CR1L: variants seen among roughly 807,000 people sequenced by gnomAD.
CR1L encodes complement C3b/C4b receptor 1 like.
CR1L carries 59 observed loss-of-function variants against 62.3 expected under a neutral mutation model. The ratio of observed to expected loss-of-function variants is 0.95; its 90% CI spans 0.77 to 1.18. The LOEUF (loss-of-function observed/expected upper bound fraction) is 1.18. Among genes scored for constraint, CR1L ranks in the 50% most tolerant of loss-of-function variants. CR1L has a pLI of 0.00. For missense variants in CR1L, 700 were observed against 702.8 expected (o/e 1.00, Z 0.04); for synonymous variants, 279 against 248.7 (o/e 1.12, Z -1.15).
chr1:207,707,065 A>G (rs1253948141), intron 9 of CR1L, among the ~76,000 whole-genome samples: 1 of 152,266 alleles, frequency 6.6e-6, no homozygotes, highest in Non-Finnish European at 1.5e-5. Context: ...TCAAGTGTAT[A>G]TATCTACAAT....
At chr1:207,712,138 G>T (rs2102480297) in intron 10 of CR1L, among the ~76,000 whole-genome samples, 1 of 152,298 alleles carries the variant, frequency 6.6e-6, no homozygotes, top group East Asian at 1.9e-4. Context: ...TCCAGAGTAA[G>T]CCCCAATTTA....
intron 1 of CR1L, among the ~76,000 whole-genome samples, chr1:207,650,520 A>G (rs6540437): frequency 0.47 from 71,982 of 152,000 alleles, 17,593 homozygotes; most frequent in African/African-American, 0.59. Context: ...CATAGACCTA[A>G]AAATGAGTGG....
chr1:207,665,568 T>C (rs1663507656), intron 1 of CR1L, among the ~76,000 whole-genome samples: 1 of 151,832 alleles, frequency 6.6e-6, no homozygotes, highest in South Asian at 2.1e-4. Flanking sequence ...CTAATTTTTG[T>C]ATTTTTAATA....
At chr1:207,660,418 A>G (rs1409863854) in intron 1 of CR1L, among the ~76,000 whole-genome samples, 1 of 152,206 alleles carries the variant, frequency 6.6e-6, no homozygotes, top group Non-Finnish European at 1.5e-5. Flanking sequence ...GCAAACTCCA[A>G]CACACCTGCA....
chr1:207,662,159 T>C (rs1364309673), intron 1 of CR1L, among the ~76,000 whole-genome samples: 2 of 152,086 alleles, frequency 1.3e-5, no homozygotes, highest in African/African-American at 4.8e-5. Flanking sequence ...ATCTTTGTGG[T>C]GTTCTCTGTA....
intron 9 of CR1L, among the ~76,000 whole-genome samples, chr1:207,707,157 A>G (rs962458042): frequency 6.6e-6 from 1 of 152,240 alleles, no homozygotes; most frequent in Non-Finnish European, 1.5e-5. Flanking sequence ...TAACTAAAAC[A>G]GCTGAATCTA....
intron 4 of CR1L, 84 bp from the exon 5 acceptor site, chr1:207,694,269 T>C: frequency 4.6e-6 from 7 of 1,519,428 alleles, no homozygotes; most frequent in Non-Finnish European, 6.3e-6. Context: ...AAGCAAATAA[T>C]GAATGTAAAA....
At chr1:207,694,097 A>G (rs530929097) in intron 4 of CR1L, among the ~76,000 whole-genome samples, 1 of 152,376 alleles carries the variant, frequency 6.6e-6, no homozygotes, top group African/African-American at 2.4e-5. Context: ...CTATAATACT[A>G]TAATCAAAGG....
At chr1:207,647,806 A>G (rs975531423) in intron 1 of CR1L, among the ~76,000 whole-genome samples, 2 of 152,198 alleles carry the variant, frequency 1.3e-5, no homozygotes, top group African/African-American at 2.4e-5. Flanking sequence ...CAGGGCTTCC[A>G]GTACTTCAGT....
chr1:207,655,126 C>A, intron 1 of CR1L: 1 of 396,826 alleles, frequency 2.5e-6, no homozygotes, highest in Non-Finnish European at 4.8e-6. Flanking sequence ...ATAAAAAGTT[C>A]CTTCATTATT....
chr1:207,685,553 G>A (rs942684750), intron 4 of CR1L, among the ~76,000 whole-genome samples: 1 of 152,124 alleles, frequency 6.6e-6, no homozygotes, highest in African/African-American at 2.4e-5. Flanking sequence ...TGCTGTTTCA[G>A]TTCTAATAGC....
At position 207,683,152 on chromosome 1, in the gene CR1L, C is replaced by T. The variant is rs552217161; in HGVS notation, c.378-720C>T. Among the ~76,000 whole-genome samples, 17 of 149,410 alleles carry T rather than the reference C, an allele frequency of 1.1e-4. No individual in the cohort carries two copies. In the East Asian group the frequency reaches 3.3e-3, roughly 29 times the overall value. Reference sequence around the variant, plus strand: ...TCTCTCTACCCCGCCCCTTTCTTTCCTACTGACAAGGTCTTGCTTTATTGC... The same window carrying T: ...TCTCTCTACCCCGCCCCTTTCTTTCTTACTGACAAGGTCTTGCTTTATTGC... On this transcript the variant is annotated intron_variant, in intron 3 of 11. Coordinates refer to ENST00000508064, the MANE Select transcript of CR1L (RefSeq NM_175710.2).
chr1:207,707,405 G>C (rs182035607), intron 9 of CR1L, among the ~76,000 whole-genome samples: 134 of 152,246 alleles, frequency 8.8e-4, no homozygotes, highest in African/African-American at 3.2e-3. Flanking sequence ...AGGTGGGAGG[G>C]TCACCTCAGA....
At chr1:207,710,495 G>A (rs1302795068) in intron 10 of CR1L, 6 of 1,607,162 alleles carry the variant, frequency 3.7e-6, no homozygotes, top group Admixed American at 3.3e-5. Context: ...TGGAAGCAGA[G>A]GGAGAAAGGT....
intron 1 of CR1L, among the ~76,000 whole-genome samples, chr1:207,671,436 GGA>G (rs1323767463): frequency 6.6e-6 from 1 of 150,766 alleles, no homozygotes; most frequent in Non-Finnish European, 1.5e-5. Context: ...AAATAACAGA[GGA>G]ACTAGGATTG....
chr1:207,710,863 G>T, intron 10 of CR1L: 1 of 1,334,312 alleles, frequency 7.5e-7, no homozygotes, highest in South Asian at 1.2e-5. Context: ...ATTTGTTTAG[G>T]GGGAGGGATG....
At chr1:207,696,441 G>T (rs1280718967) in intron 5 of CR1L, among the ~76,000 whole-genome samples, 1 of 152,192 alleles carries the variant, frequency 6.6e-6, no homozygotes, top group Non-Finnish European at 1.5e-5. Flanking sequence ...TAGTTTTAAG[G>T]TTTCCATTGC....
At chr1:207,683,391 C>A (rs1213470663) in intron 3 of CR1L, among the ~76,000 whole-genome samples, 1 of 152,112 alleles carries the variant, frequency 6.6e-6, no homozygotes, top group African/African-American at 2.4e-5. Context: ...CCTACCTCAG[C>A]CTCCAAACGT....
chr1:207,708,813 G>A, intron 10 of CR1L: 1 of 429,018 alleles, frequency 2.3e-6, no homozygotes, highest in Non-Finnish European at 4.6e-6. Context: ...GTGATGGTGT[G>A]AGGAAATCAG....
Sources: gnomAD v4.1 joint callset for allele counts (sites outside exome capture counted in the v4.1 genomes callset) on GRCh38, gnomAD v4.1.1 for gene constraint, MANE v1.5 for transcripts, NCBI Gene and HGNC (gene_info 2026-07-23, HGNC 2026-07-21) for gene names.